Variants in ARSD observed in about 807,000 individuals in gnomAD.
ARSD encodes arylsulfatase D, also known as testis tissue sperm-binding protein Li 39a.
A neutral mutation model predicts 32.6 loss-of-function variants in ARSD; 21 were observed. The ratio of observed to expected loss-of-function variants is 0.64; its 90% CI spans 0.46 to 0.93. The LOEUF (loss-of-function observed/expected upper bound fraction) is 0.93, where lower values mean the gene tolerates loss of function less well. Among genes scored for constraint, ARSD ranks in the 40% least tolerant of loss-of-function variants. The probability of loss-of-function intolerance (pLI) is 0.00; values close to 1 mark genes in which losing one functional copy is unlikely to be tolerated. For missense variants in ARSD, 454 were observed against 520.9 expected, an observed-to-expected ratio of 0.87 and a Z score of 1.25; for synonymous variants, 224 against 237.4, an observed-to-expected ratio of 0.94 and a Z score of 0.52.
chrX:2,917,725 C>G (rs1279294759), intron 5 of ARSD, 79 bp downstream of exon 5: 1 of 1,033,715 alleles, frequency 9.7e-7, no homozygotes, highest in East Asian at 3.3e-5. Context: ...CCCATCTTGG[C>G]CTCCCGAAGT....
rs1365663291 is a variant in ARSD, at chrX:2,922,102, C to T, written c.195-78G>A. On this transcript the variant is annotated intron_variant, in intron 2 of 9. Coordinates refer to ENST00000381154, the MANE Select transcript of ARSD (RefSeq NM_001669.4). ...AAGCAGATCCCTGCTCTGAAAGGCA[C>T]AGGAATAGCTGCAAGGACTTCACCG... is the stretch of plus-strand genomic sequence containing the variant. The T allele has an allele frequency of 3.7e-6, 4 of 1,087,795 alleles. No individual in the cohort carries two copies. In the Admixed American group the frequency reaches 8.1e-5, roughly 22 times the overall value. The allele number at this position is 1,087,795 out of a possible 1,213,427, so 89.6% of individuals were successfully genotyped here.
chrX:2,918,803 C>A (rs1275522492), intron 4 of ARSD, among the ~76,000 whole-genome samples: 1 of 111,013 alleles, frequency 9.0e-6, no homozygotes, highest in Non-Finnish European at 1.9e-5. Flanking sequence ...AAGAATAAAT[C>A]CACCCTCAGA....
At chrX:2,925,027 C>T (rs941554891) in intron 2 of ARSD, among the ~76,000 whole-genome samples, 1 of 112,562 alleles carries the variant, frequency 8.9e-6, no homozygotes, top group Non-Finnish European at 1.9e-5. Flanking sequence ...GACCCCATCT[C>T]TGAAAACGGT....
intron 2 of ARSD, among the ~76,000 whole-genome samples, chrX:2,924,333 C>G (rs2089060572): frequency 8.8e-6 from 1 of 113,632 alleles, no homozygotes; most frequent in Non-Finnish European, 1.9e-5. Flanking sequence ...CGTGCCCGGC[C>G]CACACAGGGC....
intron 6 of ARSD, chrX:2,913,974 C>T (rs1409556101): frequency 9.5e-6 from 3 of 316,724 alleles, no homozygotes; most frequent in Non-Finnish European, 1.3e-5. Context: ...GACGCCTGCT[C>T]CCCCTTCGCC....
In ARSD at chrX:2,904,982, A is replaced by G. The variant is rs1303830991; in HGVS notation, c.*2289T>C. ...TCCCTCCAGATCCCTCTCCAGCCCT[A>G]GAAACCTGAGCTCTATAAATGTTGC... On this transcript the variant is annotated 3_prime_UTR_variant, in exon 10 of 10. Transcript: ENST00000381154. The G allele has an allele frequency of 3.0e-6, 1 of 336,877 alleles. No homozygotes were observed. Among genetic ancestry groups the G allele is most frequent in the Non-Finnish European group, 5.9e-6 (1 of 168,647 alleles). The allele number at this position is 336,877 out of a possible 1,213,427, so 27.8% of individuals were successfully genotyped here.
intron 2 of ARSD, 98 bp from the exon 3 acceptor site, chrX:2,922,122 T>C (rs2089034694): frequency 9.8e-7 from 1 of 1,017,026 alleles, no homozygotes; most frequent in Admixed American, 3.2e-5. Flanking sequence ...TGCAAGGACT[T>C]CACCGGATTT....
chrX:2,922,125 C>T, intron 2 of ARSD, 101 bp from the exon 3 acceptor site: 1 of 1,021,680 alleles, frequency 9.8e-7, no homozygotes, highest in Non-Finnish European at 1.3e-6. Flanking sequence ...AAGGACTTCA[C>T]CGGATTTCAG....
chrX:2,926,584 T>G (rs2089084550), intron 1 of ARSD, among the ~76,000 whole-genome samples: 1 of 111,369 alleles, frequency 9.0e-6, no homozygotes. Context: ...CCTGCCACAC[T>G]AGACCATACA....
intron 1 of ARSD, 124 bp from the exon 2 acceptor site, chrX:2,925,889 G>A: frequency 1.4e-6 from 1 of 710,712 alleles, no homozygotes; most frequent in South Asian, 2.9e-5. Flanking sequence ...AGCTTTATGG[G>A]AGGTTATTGT....
At chrX:2,913,857 G>A (rs2088924590) in intron 6 of ARSD, 1 of 504,658 alleles carries the variant, frequency 2.0e-6, no homozygotes, top group African/African-American at 2.6e-5. Flanking sequence ...GAATGGTTGA[G>A]CACCATCCCC....
At chrX:2,912,657 G>A (rs1403246744) in intron 6 of ARSD, among the ~76,000 whole-genome samples, 2 of 111,471 alleles carry the variant, frequency 1.8e-5, no homozygotes, top group African/African-American at 6.5e-5. Flanking sequence ...CAGTGAGCAC[G>A]CTTTTTTAAA....
In ARSD at chrX:2,918,098, G is replaced by C. The variant is rs762732106; in HGVS notation, c.569C>G (p.Pro190Arg). Residue 190 changes from proline to arginine, a missense_variant, in exon 5 of 10, where the codon CCC (proline) becomes CGC (arginine). By Grantham distance (103) the Pro-to-Arg change is moderately radical. Transcript: ENST00000381154. ...LTNDCDPGRP[P>R]EVDAALRAQL... ...CGCCCTCAGGGCGGCGTCCACTTCG[G>C]GGGGCCTGCCTGGGTCACAGTCGTT... 8.3e-7 allele frequency: 1 copy of C among 1,201,204 alleles called. No homozygotes were observed. Among genetic ancestry groups the C allele is most frequent in the Non-Finnish European group, 1.1e-6 (1 of 889,837 alleles).
At chrX:2,914,423 G>A (rs893311954) in intron 6 of ARSD, 55 of 495,741 alleles carry the variant, frequency 1.1e-4, no homozygotes, top group African/African-American at 1.9e-4. Flanking sequence ...AGAGATGGGG[G>A]GGGGGGGCGT....
intron 1 of ARSD, among the ~76,000 whole-genome samples, chrX:2,927,421 G>T (rs1003651908): frequency 1.8e-5 from 2 of 109,596 alleles, no homozygotes; most frequent in African/African-American, 6.6e-5. Flanking sequence ...CACCACGCCC[G>T]GCTAATTTTT....
chrX:2,911,508 A>G (rs759376896), intron 6 of ARSD, among the ~76,000 whole-genome samples: 15 of 107,299 alleles, frequency 1.4e-4, no homozygotes, highest in Non-Finnish European at 2.5e-4. Flanking sequence ...GTCTCTACTA[A>G]AAACACAAAA....
chrX:2,925,630 C>A lies in ARSD; in HGVS notation c.180G>T (p.Gly60=). 8.3e-7 allele frequency: 1 copy of A among 1,209,646 alleles called. No homozygotes were observed. Among genetic ancestry groups the A allele is most frequent in the East Asian group, 3.0e-5 (1 of 33,792 alleles). The change falls in exon 2 of 10, where the codon GGG becomes GGT. Residue 60 remains glycine (G), a synonymous_variant. Transcript: ENST00000381154. Reference sequence around the variant, plus strand: ...ACCAACTGTACCTCAGTGTATTGTTCCCGTAGCAACCGAGATCCCCAGTGC... The same window carrying A: ...ACCAACTGTACCTCAGTGTATTGTTACCGTAGCAACCGAGATCCCCAGTGC... The part of the protein sequence containing the change: ...DLGTGDLGCY[G]NNTLRTPNID...
At chrX:2,927,562 G>A (rs763984494) in intron 1 of ARSD, among the ~76,000 whole-genome samples, 3 of 112,012 alleles carry the variant, frequency 2.7e-5, no homozygotes, top group African/African-American at 9.7e-5. Flanking sequence ...CAAAGTGCTG[G>A]GATTACAGGC....
At chrX:2,920,476 T>C in intron 4 of ARSD, 125 bp downstream of exon 4, 1 of 1,041,662 alleles carries the variant, frequency 9.6e-7, no homozygotes, top group Non-Finnish European at 1.3e-6. Context: ...GTTCAAGCGA[T>C]TCTCCTGCCT....
Sources: allele counts gnomAD v4.1 joint callset (sites outside exome capture counted in the v4.1 genomes callset), GRCh38; gene constraint gnomAD v4.1.1; transcripts MANE v1.5; gene names NCBI Gene and HGNC (gene_info 2026-07-23, HGNC 2026-07-21).